The following MTSS2 variants were observed in gnomAD, a reference collection of about 807,000 sequenced individuals.
The protein encoded by MTSS2 is protein MTSS 2.
Under a neutral mutation model 67.1 loss-of-function variants are expected in MTSS2, and 27 were observed. The ratio of observed to expected loss-of-function variants is 0.40; its 90% CI spans 0.30 to 0.55. The LOEUF is 0.55. MTSS2 is among the 20% of genes least tolerant of loss of function. The pLI is 0.43. For synonymous variants in MTSS2, 624 were observed against 468.6 expected, an observed-to-expected ratio of 1.33 and a Z score of -4.28; for missense variants, 1,171 against 1,067.8, an observed-to-expected ratio of 1.10 and a Z score of -1.35.
Position 70,665,013 on chromosome 16 carries a change from G to C in MTSS2, c.1212C>G (p.Asp404Glu). The change falls in exon 13 of 15, where the codon GAC becomes GAG. Residue 404 changes from aspartate to glutamate, a missense_variant. Physicochemically the swap from Asp to Glu is conservative, Grantham distance 45. Coordinates refer to ENST00000338779, the MANE Select transcript of MTSS2 (RefSeq NM_138383.3). Reference sequence around the variant, plus strand: ...CCCCACTGGCAGGGCCTGGCTCTGTGTCTCGCAGGAGCTCCACTCGGTCCT... The same window carrying C: ...CCCCACTGGCAGGGCCTGGCTCTGTCTCTCGCAGGAGCTCCACTCGGTCCT... ...RRKDRVELLR[D>E]TEPGPASGGT... The C allele has an allele frequency of 6.3e-7, 1 of 1,595,508 alleles. No individual in the cohort carries two copies. The highest frequency in any genetic ancestry group is 8.5e-7 in the Non-Finnish European group (1 of 1,178,868).
chr16:70,679,385 G>C, intron 6 of MTSS2, 62 bp from the exon 7 acceptor site: 2 of 1,598,546 alleles, frequency 1.3e-6, no homozygotes, highest in African/African-American at 1.3e-5. Context: ...TGTGAAAGAC[G>C]CCGGATGGAC....
Position 70,663,553 on chromosome 16 carries a change from T to C in MTSS2, c.*124A>G, listed in dbSNP as rs1224397150. 5 of 1,413,236 alleles carry C rather than the reference T, an allele frequency of 3.5e-6. No homozygotes were observed. The highest frequency in any genetic ancestry group is 4.6e-6 in the Non-Finnish European group (5 of 1,080,868). 87.5% of individuals were successfully genotyped at this position (1,413,236 alleles called of 1,614,324 possible). On this transcript the variant is annotated 3_prime_UTR_variant, in exon 15 of 15. Transcript: ENST00000338779. ...CCAAGTGAGGTGTCTTTCCATAAAG[T>C]GGCATGGCCTCTGCCCTGGCTCTGT...
intron 10 of MTSS2, among the ~76,000 whole-genome samples, chr16:70,676,644 C>T (rs984330890): frequency 5.9e-5 from 9 of 152,162 alleles, no homozygotes; most frequent in African/African-American, 2.2e-4. Flanking sequence ...AGTGGATGCT[C>T]CATAAATGAA....
rs981725451 is a variant in MTSS2 at position 70,661,500 on chromosome 16, G to A, written c.*2177C>T. ...GTTACTTCAGTCAAAAGACGCTTTT[G>A]AAAAGAATATTTCTCCGTACAAAAT... On this transcript the variant is annotated 3_prime_UTR_variant, in exon 15 of 15. Coordinates refer to ENST00000338779, the MANE Select transcript of MTSS2 (RefSeq NM_138383.3). 2.6e-5 allele frequency: 9 copies of A among 351,514 alleles called. No homozygotes were observed. The highest frequency in any genetic ancestry group is 1.9e-4 in the Admixed American group (5 of 25,874). 21.8% of individuals were successfully genotyped at this position (351,514 alleles called of 1,614,324 possible).
intron 11 of MTSS2, among the ~76,000 whole-genome samples, chr16:70,672,269 C>T (rs1477770158): frequency 1.3e-5 from 2 of 149,514 alleles, no homozygotes; most frequent in Non-Finnish European, 3.0e-5. Context: ...ATCACTTGAA[C>T]CTGGGAGGCA....
chr16:70,679,417 G>T, intron 6 of MTSS2, 94 bp from the exon 7 acceptor site: 2 of 1,507,380 alleles, frequency 1.3e-6, no homozygotes, highest in Middle Eastern at 1.7e-4. Context: ...TGGGGCGGGG[G>T]TGCCTGGGCC....
chr16:70,664,198 G>C lies in MTSS2; in HGVS notation c.1723C>G (p.Arg575Gly). 6.3e-7 allele frequency: 1 copy of C among 1,594,784 alleles called. No individual in the cohort carries two copies. Among genetic ancestry groups the C allele is most frequent in the Non-Finnish European group, 8.5e-7 (1 of 1,174,840 alleles). The change falls in exon 15 of 15, where the codon CGC becomes GGC. Residue 575 changes from arginine to glycine, a missense_variant. By Grantham distance (125) the Arg-to-Gly change is moderately radical. Coordinates refer to ENST00000338779, the MANE Select transcript of MTSS2 (RefSeq NM_138383.3). ...RRTPSTKPTVRRALSSAGPIP... is the reference protein window; with the variant it reads ...RRTPSTKPTVGRALSSAGPIP... ...GGGCCAGCGCTGGACAGGGCGCGGC[G>C]CACGGTGGGCTTGGTGGAGGGTGTG...
At position 70,679,688 on chromosome 16, in the gene MTSS2, C is replaced by T. The variant is rs758964230; in HGVS notation, c.399G>A (p.Arg133=). ...KDHAKEYKRA[R]HEIKKKSSDT... ...CCGACGACTTCTTTTTGATCTCATG[C>T]CGGGCTCGTTTGTACTCTGCAGAAG... Residue 133 remains arginine, a synonymous_variant, in exon 6 of 15, where the codon CGG becomes CGA. Transcript: ENST00000338779. 1.2e-6 allele frequency: 2 copies of T among 1,611,058 alleles called. No individual in the cohort carries two copies. Among genetic ancestry groups the T allele is most frequent in the African/African-American group, 1.3e-5 (1 of 74,892 alleles).
In MTSS2 at chr16:70,674,546, G is replaced by C. The variant is rs1046148489; in HGVS notation, c.831-18C>G. Reference sequence around the variant, plus strand: ...TGGGGGCACTAGGGGAGTGAAGGAAGAGGGCACAGCAGCCAGACAGGGAGA... The same window carrying C: ...TGGGGGCACTAGGGGAGTGAAGGAACAGGGCACAGCAGCCAGACAGGGAGA... On this transcript the variant is annotated intron_variant, in intron 10 of 14. Transcript: ENST00000338779. 2 of 1,608,350 alleles carry C rather than the reference G, an allele frequency of 1.2e-6. No homozygotes were observed. Among genetic ancestry groups the C allele is most frequent in the Admixed American group, 1.7e-5 (1 of 59,720 alleles).
At chr16:70,680,897 C>T (rs563720372) in intron 2 of MTSS2, 30 bp from the exon 3 acceptor site, 168 of 615,692 alleles carry the variant, frequency 2.7e-4, no homozygotes, top group South Asian at 2.4e-3. Context: ...CATGGATGGT[C>T]GGTGGTTGGG....
chr16:70,667,418 G>A (rs572305868), intron 11 of MTSS2, among the ~76,000 whole-genome samples: 1 of 151,200 alleles, frequency 6.6e-6, no homozygotes, highest in Non-Finnish European at 1.5e-5. Context: ...ATCCGAAAAA[G>A]ATCAATCACA....
chr16:70,663,996 T>A lies in MTSS2; in HGVS notation c.1925A>T (p.Asn642Ile). 1 of 1,594,972 alleles carries A rather than the reference T, an allele frequency of 6.3e-7. No homozygotes were observed. Among genetic ancestry groups the A allele is most frequent in the South Asian group, 1.1e-5 (1 of 88,356 alleles). ...TGGGGATGGGCTGCCCCAGGCTGTGTTGGGCAGGCTGAGCCTCTTTGGGGA... is the reference window on the plus strand; with the variant it reads ...TGGGGATGGGCTGCCCCAGGCTGTGATGGGCAGGCTGAGCCTCTTTGGGGA... The part of the protein sequence containing the change: ...KASPKRLSLP[N>I]TAWGSPSPEA... Residue 642 changes from asparagine to isoleucine, a missense_variant, in exon 15 of 15, where the codon AAC becomes ATC. This residue lies in a region of MTSS2 where 924 missense variants were observed against 756.0 expected (regional missense o/e 1.22). Transcript: ENST00000338779.
rs1157270243 is a variant in MTSS2, at chr16:70,661,425, G to A, written c.*2252C>T. On this transcript the variant is annotated 3_prime_UTR_variant, in exon 15 of 15. Transcript: ENST00000338779. ...GTAGGAACCAGGAGGGCTGCCTGGG[G>A]TGGGGGAATAAATTAAAAAAAGGAA... 2.5e-5 allele frequency: 9 copies of A among 360,294 alleles called. No individual in the cohort carries two copies. The highest frequency in any genetic ancestry group is 4.4e-5 in the Non-Finnish European group (8 of 182,948). 22.3% of individuals were successfully genotyped at this position (360,294 alleles called of 1,614,324 possible).
Position 70,665,034 on chromosome 16 carries a change from G to T in MTSS2, c.1191C>A (p.Asp397Glu). 2.5e-6 allele frequency: 4 copies of T among 1,597,256 alleles called. No individual in the cohort carries two copies. The highest frequency in any genetic ancestry group is 3.4e-6 in the Non-Finnish European group (4 of 1,179,518). Residue 397 changes from aspartate (D) to glutamate (E), a missense_variant, in exon 13 of 15, where the codon GAC becomes GAA. Transcript: ENST00000338779. ...CTGTGTCTCGCAGGAGCTCCACTCG[G>T]TCCTTCCTCCGCTGCAGAGTGGCGC... ...PSGATLQRRK[D>E]RVELLRDTEP...
chr16:70,684,389 T>C (rs1369579185), intron 1 of MTSS2, among the ~76,000 whole-genome samples: 1 of 151,932 alleles, frequency 6.6e-6, no homozygotes, highest in Non-Finnish European at 1.5e-5. Context: ...GTGGGGGGCA[T>C]CTACAAGCCG....
At chr16:70,679,384 C>T (rs985222246) in intron 6 of MTSS2, 61 bp from the exon 7 acceptor site, 5 of 1,601,182 alleles carry the variant, frequency 3.1e-6, no homozygotes, top group Middle Eastern at 1.7e-4. Context: ...GTGTGAAAGA[C>T]GCCGGATGGA....
rs568088761 is a variant in MTSS2, at chr16:70,685,973, G to C, written c.-182C>G. The C allele has an allele frequency of 6.5e-6, 1 of 154,066 alleles. No individual in the cohort carries two copies. The highest frequency in any genetic ancestry group is 1.4e-5 in the Non-Finnish European group (1 of 73,090). 9.5% of individuals were successfully genotyped at this position (154,066 alleles called of 1,614,324 possible). A position where few individuals can be genotyped will look rare whatever the true frequency, so the allele number is the denominator to read the frequency against. On this transcript the variant is annotated 5_prime_UTR_variant, in exon 1 of 15. Transcript: ENST00000338779. ...GTCGCGGGCCTCCGGCGGGCGGCGCGGGCCATGTCGCAGCGGGGCTGGCGG... is the reference window on the plus strand; with the variant it reads ...GTCGCGGGCCTCCGGCGGGCGGCGCCGGCCATGTCGCAGCGGGGCTGGCGG...
chr16:70,663,696 G>A lies in MTSS2; in HGVS notation c.2225C>T (p.Ser742Leu). 3 of 1,587,364 alleles carry A rather than the reference G, an allele frequency of 1.9e-6. No individual in the cohort carries two copies. Among genetic ancestry groups the A allele is most frequent in the Non-Finnish European group, 2.6e-6 (3 of 1,168,010 alleles). The change falls in exon 15 of 15, where the codon TCG (serine) becomes TTG (leucine). Residue 742 changes from serine to leucine, a missense_variant. Ser to Leu is a moderately radical substitution (Grantham distance 145). This residue lies in a region of MTSS2 where 924 missense variants were observed against 756.0 expected (regional missense o/e 1.22). Coordinates refer to ENST00000338779, the MANE Select transcript of MTSS2 (RefSeq NM_138383.3). Reference protein sequence around the residue: ...RLRRTVTNDRSAPRIL With the variant: ...RLRRTVTNDRLAPRIL ...GCGCCATCATAAGATGCGGGGCGCC[G>A]ACCTGTCGTTGGTGACGGTCCTGCG... is the stretch of plus-strand genomic sequence containing the variant.
chr16:70,663,586 CCTGG>C lies in MTSS2; in HGVS notation c.*87_*90del. The C allele has an allele frequency of 2.8e-6, 4 of 1,451,802 alleles. No homozygotes were observed. The highest frequency in any genetic ancestry group is 3.6e-6 in the Non-Finnish European group (4 of 1,101,584). The allele number at this position is 1,451,802 out of a possible 1,614,324, so 89.9% of individuals were successfully genotyped here. The stretch of plus-strand genomic sequence containing the variant: ...CCTCTGCCCTGGCTCTGTCCTCTCT[CCTGG>C]CTGGGCCTTTGCTCTGAGTGCCTGC... On this transcript the variant is annotated 3_prime_UTR_variant, in exon 15 of 15. Transcript: ENST00000338779.
Sources: gnomAD v4.1 joint callset for allele counts (sites outside exome capture counted in the v4.1 genomes callset) on GRCh38, gnomAD v4.1.1 for gene constraint, gnomAD v4.1.1 regional missense constraint, MANE v1.5 for transcripts, NCBI Gene and HGNC (gene_info 2026-07-23, HGNC 2026-07-21) for gene names.